Variants in RHPN2 observed in about 807,000 individuals in gnomAD.
The protein encoded by RHPN2 is rhophilin-2.
A neutral mutation model predicts 79.0 loss-of-function variants in RHPN2; 40 were observed. The observed-to-expected ratio is 0.51, with a 90% CI of 0.39 to 0.66. The LOEUF is 0.66. RHPN2 is among the 30% of genes least tolerant of loss of function. The pLI, the probability that RHPN2 is intolerant of heterozygous loss-of-function variation, is 0.00. For synonymous variants in RHPN2, 285 were observed against 363.5 expected, an observed-to-expected ratio of 0.78 and a Z score of 2.46; for missense variants, 686 against 883.5, an observed-to-expected ratio of 0.78 and a Z score of 2.83.
chr19:32,996,021 C>A lies in RHPN2; in HGVS notation c.1420+5G>T. On this transcript the variant is annotated splice_donor_5th_base_variant and intron_variant, in intron 11 of 14. Coordinates refer to ENST00000254260, the MANE Select transcript of RHPN2 (RefSeq NM_033103.5). ...CACAGAGGGAACACAGTCTAGGCTACTCACCAACAACACTGGGGGCGTCGA... is the reference window on the plus strand; with the variant it reads ...CACAGAGGGAACACAGTCTAGGCTAATCACCAACAACACTGGGGGCGTCGA... 1 of 1,613,984 alleles carries A rather than the reference C, an allele frequency of 6.2e-7. No individual in the cohort carries two copies. Among genetic ancestry groups the A allele is most frequent in the East Asian group, 2.2e-5 (1 of 44,868 alleles).
chr19:33,050,443 G>A (rs1043122479), intron 1 of RHPN2, among the ~76,000 whole-genome samples: 4 of 152,108 alleles, frequency 2.6e-5, no homozygotes, highest in African/African-American at 9.7e-5. Context: ...ATAGTTCAAT[G>A]AGTTTGAACA....
chr19:33,034,201 G>A lies in RHPN2; in HGVS notation c.186-7569C>T, dbSNP rs188141224. 2.9e-4 allele frequency among the ~76,000 whole-genome samples: 44 copies of A among 151,704 alleles called. No individual in the cohort carries two copies. In the East Asian group the frequency reaches 7.4e-3, roughly 26 times the overall value. On this transcript the variant is annotated intron_variant, in intron 2 of 14. Coordinates refer to ENST00000254260, the MANE Select transcript of RHPN2 (RefSeq NM_033103.5). ...TAAGATTTGCCACAAGGCCAGGCGC[G>A]GTGGCTCACGCCTGTAACCCCAGCA...
At chr19:33,005,622 A>AG (rs1971784303) in intron 7 of RHPN2, among the ~76,000 whole-genome samples, 6 of 147,846 alleles carry the variant, frequency 4.1e-5, no homozygotes, top group South Asian at 2.2e-4. Context: ...AAAAAAAAAA[A>AG]AAAGCCCTGC....
intron 10 of RHPN2, chr19:32,996,540 G>A: frequency 2.3e-6 from 1 of 437,876 alleles, no homozygotes; most frequent in Non-Finnish European, 4.3e-6. Flanking sequence ...AGCAGCTCCT[G>A]GGGATGTGCT....
chr19:33,035,213 T>C (rs1304923538), intron 2 of RHPN2, among the ~76,000 whole-genome samples: 1 of 152,046 alleles, frequency 6.6e-6, no homozygotes, highest in African/African-American at 2.4e-5. Flanking sequence ...GTGATCCACC[T>C]GCCTCTGCCT....
At chr19:33,040,616 G>A (rs546433790) in intron 2 of RHPN2, among the ~76,000 whole-genome samples, 32 of 152,228 alleles carry the variant, frequency 2.1e-4, no homozygotes, top group South Asian at 1.5e-3. Context: ...TTTCTCAAGG[G>A]AGGGAAGCTG....
At chr19:33,002,156 G>T in intron 9 of RHPN2, 91 bp downstream of exon 9, 5 of 1,468,220 alleles carry the variant, frequency 3.4e-6, no homozygotes, top group Non-Finnish European at 4.7e-6. Flanking sequence ...GCATCTCCAG[G>T]GAAGGCAGTT....
chr19:33,012,340 C>A (rs1452841322), intron 5 of RHPN2, among the ~76,000 whole-genome samples: 1 of 152,064 alleles, frequency 6.6e-6, no homozygotes, highest in Non-Finnish European at 1.5e-5. Flanking sequence ...CCACGCCCAG[C>A]TAATTTTTGT....
chr19:33,005,571 T>A, intron 7 of RHPN2, among the ~76,000 whole-genome samples: 1 of 126,556 alleles, frequency 7.9e-6, no homozygotes, highest in East Asian at 2.4e-4. Flanking sequence ...CTCATATGAA[T>A]CCCATCCAAC....
chr19:33,041,765 C>A (rs11881925), intron 2 of RHPN2, among the ~76,000 whole-genome samples: 20,766 of 152,206 alleles, frequency 0.14, 1,822 homozygotes, highest in East Asian at 0.31. Flanking sequence ...GAAAACATCA[C>A]TTCCCTAGGT....
At chr19:33,031,727 G>C (rs781586949) in intron 2 of RHPN2, among the ~76,000 whole-genome samples, 12 of 152,002 alleles carry the variant, frequency 7.9e-5, no homozygotes, top group Admixed American at 2.0e-4. Context: ...AGTCGCCCAG[G>C]CTGGAGTGCA....
chr19:32,987,808 A>T (rs1254111145), intron 14 of RHPN2, among the ~76,000 whole-genome samples: 1 of 152,144 alleles, frequency 6.6e-6, no homozygotes, highest in Non-Finnish European at 1.5e-5. Flanking sequence ...TCTGACTGCT[A>T]ATAGCATCTG....
chr19:33,026,417 C>A, intron 3 of RHPN2, 87 bp downstream of exon 3: 1 of 1,549,612 alleles, frequency 6.5e-7, no homozygotes, highest in Non-Finnish European at 8.8e-7. Context: ...CAGTCTAGAA[C>A]GCTATCTGAC....
chr19:32,986,417 T>C (rs1971613395), intron 14 of RHPN2, among the ~76,000 whole-genome samples: 1 of 152,196 alleles, frequency 6.6e-6, no homozygotes, highest in South Asian at 2.1e-4. Context: ...GTCCAGAAAC[T>C]CCATGGATTT....
intron 2 of RHPN2, among the ~76,000 whole-genome samples, chr19:33,034,343 T>G (rs180842773): frequency 0.018 from 2,593 of 144,188 alleles, 35 homozygotes; most frequent in Non-Finnish European, 0.029. Flanking sequence ...CGGTGGCTCA[T>G]GCCTATAATC....
chr19:33,056,237 C>T (rs1364304694), intron 1 of RHPN2, among the ~76,000 whole-genome samples: 3 of 151,696 alleles, frequency 2.0e-5, no homozygotes, highest in Admixed American at 6.6e-5. Context: ...CTCAGCCTCC[C>T]GAGTAGCTGG....
chr19:33,051,195 T>C (rs1177911573), intron 1 of RHPN2, among the ~76,000 whole-genome samples: 1 of 152,224 alleles, frequency 6.6e-6, no homozygotes, highest in Non-Finnish European at 1.5e-5. Flanking sequence ...TTTTGCCATG[T>C]TGGCCAGGCT....
At chr19:33,060,121 G>T (rs750656919) in intron 1 of RHPN2, among the ~76,000 whole-genome samples, 1 of 152,206 alleles carries the variant, frequency 6.6e-6, no homozygotes, top group Admixed American at 6.6e-5. Flanking sequence ...TCTTGAGGAG[G>T]CGCATGACCA....
intron 14 of RHPN2, among the ~76,000 whole-genome samples, chr19:32,984,093 C>G (rs1220935828): frequency 6.6e-6 from 1 of 152,164 alleles, no homozygotes; most frequent in Non-Finnish European, 1.5e-5. Flanking sequence ...TATGAACGTG[C>G]TGAAGGTTAC....
Sources: gnomAD v4.1 joint callset for allele counts (sites outside exome capture counted in the v4.1 genomes callset) on GRCh38, gnomAD v4.1.1 for gene constraint, MANE v1.5 for transcripts, NCBI Gene and HGNC (gene_info 2026-07-23, HGNC 2026-07-21) for gene names.